WNK3: variants seen among roughly 807,000 people sequenced by gnomAD.
The protein encoded by WNK3 is serine/threonine-protein kinase WNK3.
A neutral mutation model predicts 116.7 loss-of-function variants in WNK3; 18 were observed. That is an observed-to-expected ratio of 0.15 (90% CI 0.11 to 0.23). The LOEUF (loss-of-function observed/expected upper bound fraction) is 0.23, where lower values mean the gene tolerates loss of function less well. Among genes scored for constraint, WNK3 ranks in the 10% least tolerant of loss-of-function variants. The pLI is 1.00. For missense variants in WNK3, 993 were observed against 1,323.8 expected (o/e 0.75, Z 3.88); for synonymous variants, 404 against 469.4 (o/e 0.86, Z 1.80).
chrX:54,208,473 C>G (rs1310300104), intron 22 of WNK3, among the ~76,000 whole-genome samples: 1 of 111,182 alleles, frequency 9.0e-6, no homozygotes, highest in African/African-American at 3.3e-5. Flanking sequence ...CTCCTGGACT[C>G]AAGCAATCCT....
At chrX:54,264,512 G>A (rs1377090734) in intron 10 of WNK3, among the ~76,000 whole-genome samples, 2 of 109,972 alleles carry the variant, frequency 1.8e-5, no homozygotes, top group African/African-American at 6.6e-5. Flanking sequence ...CCAAAAGCAC[G>A]GTTCCTGGGA....
chrX:54,315,690 G>A (rs1341332558), intron 2 of WNK3, among the ~76,000 whole-genome samples: 2 of 111,460 alleles, frequency 1.8e-5, no homozygotes, highest in Non-Finnish European at 3.8e-5. Flanking sequence ...GATTTTACTA[G>A]ATATCTACTT....
At chrX:54,215,136 A>C (rs1168714938) in intron 22 of WNK3, among the ~76,000 whole-genome samples, 4 of 107,231 alleles carry the variant, frequency 3.7e-5, no homozygotes, top group Non-Finnish European at 5.8e-5. Context: ...AAAAAAAAAA[A>C]AAACACCATC....
chrX:54,325,841 T>C (rs1260598277), intron 2 of WNK3, among the ~76,000 whole-genome samples: 2 of 110,252 alleles, frequency 1.8e-5, no homozygotes, highest in African/African-American at 6.6e-5. Context: ...AAATTGTTAG[T>C]GGAGGAAGAA....
intron 22 of WNK3, among the ~76,000 whole-genome samples, chrX:54,214,674 T>G (rs1279256364): frequency 9.0e-6 from 1 of 111,496 alleles, no homozygotes; most frequent in Non-Finnish European, 1.9e-5. Context: ...ACAGCAGCAC[T>G]GCAGACAATG....
intron 1 of WNK3, among the ~76,000 whole-genome samples, chrX:54,354,711 A>T (rs1048410405): frequency 8.9e-6 from 1 of 111,967 alleles, no homozygotes; most frequent in Non-Finnish European, 1.9e-5. Flanking sequence ...TTATTTTTTT[A>T]AAAATCAGTT....
intron 1 of WNK3, among the ~76,000 whole-genome samples, chrX:54,348,124 A>ATGTG (rs781868512): frequency 0.027 from 2,808 of 102,846 alleles, 32 homozygotes; most frequent in African/African-American, 0.037. Context: ...CATTGTATAT[A>ATGTG]TGTGTGTGTG....
intron 22 of WNK3, among the ~76,000 whole-genome samples, chrX:54,221,242 G>A (rs2067757410): frequency 8.9e-6 from 1 of 112,145 alleles, no homozygotes; most frequent in African/African-American, 3.2e-5. Context: ...ATGCTAGATA[G>A]TTACTCAAAT....
intron 10 of WNK3, among the ~76,000 whole-genome samples, chrX:54,285,832 TA>T (rs1246006965): frequency 2.7e-5 from 3 of 112,102 alleles, no homozygotes; most frequent in African/African-American, 9.7e-5. Flanking sequence ...ACATTTAAAC[TA>T]AAAAACATAA....
chrX:54,275,336 A>C (rs2068431160), intron 10 of WNK3, among the ~76,000 whole-genome samples: 1 of 108,166 alleles, frequency 9.2e-6, no homozygotes, highest in South Asian at 4.1e-4. Context: ...GGGAGTGGTA[A>C]ACAGATCTAA....
At chrX:54,238,841 C>CT (rs782739631) in intron 18 of WNK3, 27 bp downstream of exon 18, 5 of 1,058,447 alleles carry the variant, frequency 4.7e-6, no homozygotes, top group African/African-American at 1.9e-5. Flanking sequence ...GTTACCTAGT[C>CT]TATGTCCCTG....
At chrX:54,320,519 A>G (rs781917003) in intron 2 of WNK3, among the ~76,000 whole-genome samples, 2 of 111,757 alleles carry the variant, frequency 1.8e-5, no homozygotes, top group East Asian at 2.8e-4. Flanking sequence ...CTATCAATGA[A>G]TATTTTTTTT....
chrX:54,329,278 G>T (rs1386010381), intron 2 of WNK3, among the ~76,000 whole-genome samples: 2 of 111,784 alleles, frequency 1.8e-5, no homozygotes, highest in African/African-American at 6.5e-5. Context: ...TGCTGGTCCA[G>T]GGACCACACT....
chrX:54,326,169 T>C (rs2069101877), intron 2 of WNK3, among the ~76,000 whole-genome samples: 2 of 107,551 alleles, frequency 1.9e-5, no homozygotes, highest in African/African-American at 3.4e-5. Context: ...CAGCTCACTG[T>C]AAGCTCCGCC....
chrX:54,316,547 A>G (rs1200948062), intron 2 of WNK3, among the ~76,000 whole-genome samples: 2 of 107,004 alleles, frequency 1.9e-5, no homozygotes, highest in African/African-American at 3.4e-5. Context: ...CTCAAAAAAA[A>G]AAAAAAAAAA....
intron 6 of WNK3, among the ~76,000 whole-genome samples, chrX:54,300,309 T>A (rs2068744844): frequency 9.0e-6 from 1 of 110,774 alleles, no homozygotes; most frequent in South Asian, 3.9e-4. Context: ...TGTGACACTA[T>A]GCCTGGCTAA....
intron 6 of WNK3, among the ~76,000 whole-genome samples, chrX:54,299,792 A>G (rs1047302769): frequency 1.8e-5 from 2 of 111,240 alleles, no homozygotes; most frequent in Non-Finnish European, 3.8e-5. Context: ...TATTATTTAT[A>G]GTGAATTTTT....
intron 1 of WNK3, among the ~76,000 whole-genome samples, chrX:54,349,547 C>A (rs943543323): frequency 2.7e-5 from 3 of 111,510 alleles, no homozygotes; most frequent in Non-Finnish European, 3.8e-5. Context: ...CCCCTCCCCC[C>A]ACTATTATTC....
chrX:54,299,138 T>A (rs954771350), intron 6 of WNK3, among the ~76,000 whole-genome samples: 17 of 112,061 alleles, frequency 1.5e-4, no homozygotes, highest in Middle Eastern at 4.2e-3. Context: ...TACTAACTTT[T>A]AAAACAGATA....
Sources: gnomAD v4.1 joint callset for allele counts (sites outside exome capture counted in the v4.1 genomes callset) on GRCh38, gnomAD v4.1.1 for gene constraint, MANE v1.5 for transcripts, NCBI Gene and HGNC (gene_info 2026-07-23, HGNC 2026-07-21) for gene names.